Variants in IBTK observed in about 807,000 individuals in gnomAD.
IBTK encodes the protein BTK-binding protein.
Under a neutral mutation model 154.9 loss-of-function variants are expected in IBTK, and 83 were observed. That is an observed-to-expected ratio of 0.54 (90% CI 0.45 to 0.64). The LOEUF (loss-of-function observed/expected upper bound fraction) is 0.64, where lower values mean the gene tolerates loss of function less well. Among genes scored for constraint, IBTK ranks in the 30% least tolerant of loss-of-function variants. The pLI is 0.00. For synonymous variants in IBTK, 515 were observed against 536.1 expected (o/e 0.96, Z 0.54); for missense variants, 1,332 against 1,584.6 (o/e 0.84, Z 2.71).
At chr6:82,210,221 G>T (rs887101699) in intron 16 of IBTK, 1 of 151,992 alleles carries the variant, frequency 6.6e-6, no homozygotes, top group South Asian at 2.1e-4. Flanking sequence ...AAGAACTTAT[G>T]TAAGTATTTG....
Position 82,214,784 on chromosome 6 carries a change from C to T in IBTK, c.1647G>A (p.Glu549=). The part of the protein sequence containing the change: ...PAVSSSSFFE[E]FGKLLREADE... ...CTGCTTCCCTCAACAGTTTGCCAAA[C>T]TCTTCAAAAAAGGATGATGAGGACA... is the stretch of plus-strand genomic sequence containing the variant. The change falls in exon 12 of 29, where the codon GAG becomes GAA. Residue 549 remains glutamate (E), a synonymous_variant. Coordinates refer to ENST00000306270, the MANE Select transcript of IBTK (RefSeq NM_015525.4). 2 of 1,608,578 alleles carry T rather than the reference C, an allele frequency of 1.2e-6. No individual in the cohort carries two copies. The highest frequency in any genetic ancestry group is 8.5e-7 in the Non-Finnish European group (1 of 1,178,066).
chr6:82,225,285 G>A (rs572168376), intron 6 of IBTK, among the ~76,000 whole-genome samples, 192 bp downstream of exon 6: 1 of 152,008 alleles, frequency 6.6e-6, no homozygotes, highest in South Asian at 2.1e-4. Context: ...ACTCCAGCCT[G>A]GGCAACAGAG....
chr6:82,171,722 T>A (rs542243154), intron 28 of IBTK, among the ~76,000 whole-genome samples, 166 bp from the exon 29 acceptor site: 1 of 152,198 alleles, frequency 6.6e-6, no homozygotes, highest in Non-Finnish European at 1.5e-5. Context: ...CTGCTATCTC[T>A]GTGGCAAGGA....
chr6:82,175,261 T>C (rs1768067818), intron 26 of IBTK, among the ~76,000 whole-genome samples: 1 of 152,218 alleles, frequency 6.6e-6, no homozygotes, highest in Admixed American at 6.5e-5. Context: ...TTTAAATTAC[T>C]GATAACTTTT....
At chr6:82,229,267 T>C (rs936558106) in intron 4 of IBTK, among the ~76,000 whole-genome samples, 25 of 152,262 alleles carry the variant, frequency 1.6e-4, no homozygotes, top group African/African-American at 6.0e-4. Flanking sequence ...TTACCTGAAA[T>C]GTGGCTTTCT....
At position 82,223,397 on chromosome 6, in the gene IBTK, AATT is replaced by A. The variant is rs1770168863; in HGVS notation, c.1124+40_1124+42del. The A allele has an allele frequency of 5.4e-6, 8 of 1,481,418 alleles. No homozygotes were observed. The East Asian group carries it at 1.2e-4, about 21-fold the overall frequency. The allele number at this position is 1,481,418 out of a possible 1,614,324, so 91.8% of individuals were successfully genotyped here. The stretch of plus-strand genomic sequence containing the variant: ...ACTCAGATATTTGCTGGAAGAGTTG[AATT>A]ATTATTAAAATTACGTTTCTTTCAC... On this transcript the variant is annotated intron_variant, in intron 8 of 28. Transcript: ENST00000306270.
chr6:82,221,243 G>A (rs1012056039), intron 8 of IBTK, among the ~76,000 whole-genome samples: 7 of 152,130 alleles, frequency 4.6e-5, no homozygotes, highest in African/African-American at 1.7e-4. Context: ...AGAATCACTT[G>A]AACCTAGGAG....
chr6:82,229,780 G>T (rs1393509662), intron 4 of IBTK, among the ~76,000 whole-genome samples: 3 of 152,078 alleles, frequency 2.0e-5, no homozygotes, highest in African/African-American at 7.2e-5. Context: ...CACATCTACA[G>T]AGAAGACCCA....
intron 8 of IBTK, among the ~76,000 whole-genome samples, chr6:82,222,113 T>C (rs1431395593): frequency 6.8e-6 from 1 of 148,054 alleles, no homozygotes; most frequent in African/African-American, 2.5e-5. Flanking sequence ...GGGGTTGCAG[T>C]GAGCATAGGT....
At position 82,222,427 on chromosome 6, in the gene IBTK, G is replaced by A. The variant is rs1166489226; in HGVS notation, c.1124+1013C>T. 2.6e-5 allele frequency among the ~76,000 whole-genome samples: 4 copies of A among 151,994 alleles called. No homozygotes were observed. In the East Asian group the frequency reaches 7.7e-4, roughly 29 times the overall value. On this transcript the variant is annotated intron_variant, in intron 8 of 28. Coordinates refer to ENST00000306270, the MANE Select transcript of IBTK (RefSeq NM_015525.4). ...TATATTTGTACAATGACCTATTTAA[G>A]TACTTGTATTTTTTTAAACTAATAA...
intron 1 of IBTK, among the ~76,000 whole-genome samples, chr6:82,244,193 G>GACA (rs1361198430): frequency 1.3e-5 from 2 of 152,066 alleles, no homozygotes; most frequent in Non-Finnish European, 2.9e-5. Flanking sequence ...ATATGCATTC[G>GACA]ACAAATAATA....
At chr6:82,211,596 GC>G in intron 13 of IBTK, 24 bp from the exon 14 acceptor site, 1 of 1,567,498 alleles carries the variant, frequency 6.4e-7, no homozygotes, top group Non-Finnish European at 8.8e-7. Context: ...TTTAATTGAA[GC>G]AAGAGCAATT....
rs377367964 is a variant in IBTK, at chr6:82,227,306, A to T, written c.544-4T>A. 5 of 1,528,718 alleles carry T rather than the reference A, an allele frequency of 3.3e-6. No homozygotes were observed. 94.7% of individuals were successfully genotyped at this position (1,528,718 alleles called of 1,614,324 possible). ...AGTGAAATTTACAAAGCACCACCTA[A>T]GGGAAAACAAGAGAATATTATTAAA... On this transcript the variant is annotated splice_polypyrimidine_tract_variant and splice_region_variant and intron_variant, in intron 4 of 28. Transcript: ENST00000306270.
In IBTK at chr6:82,240,235, C is replaced by T. The variant is rs1417936869; in HGVS notation, c.252G>A (p.Glu84=). The change falls in exon 2 of 29, where the codon GAG becomes GAA. Residue 84 remains glutamate (E), a synonymous_variant. Transcript: ENST00000306270. ...TTCTGTGCAATGCTGTCCATCCAGA[C>T]TCTTTGTCTTTCACCAACAGATCCA... The part of the protein sequence containing the change: ...KGVDLLVKDK[E]SGWTALHRSI... 1.2e-6 allele frequency: 2 copies of T among 1,614,200 alleles called. No homozygotes were observed. Among genetic ancestry groups the T allele is most frequent in the East Asian group, 2.2e-5 (1 of 44,886 alleles).
intron 26 of IBTK, among the ~76,000 whole-genome samples, chr6:82,177,775 C>A (rs1041884423): frequency 6.6e-6 from 1 of 152,144 alleles, no homozygotes; most frequent in Non-Finnish European, 1.5e-5. Context: ...GTCTCAAACT[C>A]CTGGCCTCAT....
At position 82,216,739 on chromosome 6, in the gene IBTK, A is replaced by G. The variant is rs79998972; in HGVS notation, c.1427-489T>C. ...TGCGTAACCAAACTGGGCTACTATGATATCATCAGTCTGGTGATATAGTAG... is the reference window on the plus strand; with the variant it reads ...TGCGTAACCAAACTGGGCTACTATGGTATCATCAGTCTGGTGATATAGTAG... On this transcript the variant is annotated intron_variant, in intron 10 of 28. Coordinates refer to ENST00000306270, the MANE Select transcript of IBTK (RefSeq NM_015525.4). 7.6e-3 allele frequency among the ~76,000 whole-genome samples: 1,154 copies of G among 152,296 alleles called. 22 individuals carry two copies. The highest frequency in any genetic ancestry group is 0.026 in the African/African-American group (1,101 of 41,576).
chr6:82,204,282 A>C (rs1405042398), intron 17 of IBTK, among the ~76,000 whole-genome samples: 1 of 152,306 alleles, frequency 6.6e-6, no homozygotes, highest in African/African-American at 2.4e-5. Flanking sequence ...GTTAAAAGGA[A>C]TAAGTTTTGA....
At chr6:82,189,692 T>C (rs1290896090) in intron 25 of IBTK, among the ~76,000 whole-genome samples, 1 of 152,194 alleles carries the variant, frequency 6.6e-6, no homozygotes, top group Non-Finnish European at 1.5e-5. Flanking sequence ...CACAGGACTC[T>C]AAGGAATATG....
At chr6:82,173,580 T>C in intron 26 of IBTK, 142 bp from the exon 27 acceptor site, 1 of 513,404 alleles carries the variant, frequency 1.9e-6, no homozygotes. Context: ...ACCTTTAAAA[T>C]TATAAGTAAA....
Sources: allele counts gnomAD v4.1 joint callset (sites outside exome capture counted in the v4.1 genomes callset), GRCh38; gene constraint gnomAD v4.1.1; transcripts MANE v1.5; gene names NCBI Gene and HGNC (gene_info 2026-07-23, HGNC 2026-07-21).